The following MED1 variants were observed in gnomAD, a reference collection of about 807,000 sequenced individuals.
The protein encoded by MED1 is mediator of RNA polymerase II transcription subunit 1.
In MED1, 17 loss-of-function variants were observed where a neutral mutation model predicts 121.3. That is an observed-to-expected ratio of 0.14 (90% CI 0.10 to 0.21). MED1 has a LOEUF of 0.21. MED1 is among the 10% of genes least tolerant of loss of function. The pLI is 1.00. For missense variants in MED1, 1,558 were observed against 1,919.4 expected, an observed-to-expected ratio of 0.81 and a Z score of 3.52; for synonymous variants, 661 against 694.4, an observed-to-expected ratio of 0.95 and a Z score of 0.76.
At chr17:39,439,249 A>G in intron 5 of MED1, 56 bp from the exon 6 acceptor site, 2 of 1,389,544 alleles carry the variant, frequency 1.4e-6, no homozygotes, top group Non-Finnish European at 2.0e-6. Flanking sequence ...AACTTTGAAG[A>G]TATCAAAAGC....
At chr17:39,423,026 C>T (rs929050015) in intron 13 of MED1, among the ~76,000 whole-genome samples, 16 of 151,688 alleles carry the variant, frequency 1.1e-4, no homozygotes, top group African/African-American at 2.2e-4. Context: ...CCACCACACA[C>T]GGCTAATTTT....
At chr17:39,436,008 GT>G (rs1347666116) in intron 6 of MED1, among the ~76,000 whole-genome samples, 2 of 151,858 alleles carry the variant, frequency 1.3e-5, no homozygotes, top group South Asian at 4.2e-4. Flanking sequence ...GGAGGGGGAG[GT>G]TGCAGTGAGC....
chr17:39,438,542 G>A (rs1396951295), intron 6 of MED1, among the ~76,000 whole-genome samples: 1 of 151,688 alleles, frequency 6.6e-6, no homozygotes, highest in Non-Finnish European at 1.5e-5. Flanking sequence ...TAGTAGAGAT[G>A]GGGTTTCACC....
Position 39,407,694 on chromosome 17 carries a change from G to A in MED1, c.4527C>T (p.Asp1509=). 6.2e-7 allele frequency: 1 copy of A among 1,613,970 alleles called. No individual in the cohort carries two copies. Among genetic ancestry groups the A allele is most frequent in the Non-Finnish European group, 8.5e-7 (1 of 1,179,930 alleles). ...TGTCCCGGTCTCGGTCCCTATCTTT[G>A]TCTTTTACTTTCTTCTTTTCCTTTT... ...KHKKEKKKVK[D]KDRDRDRDKD... The change falls in exon 17 of 17, where the codon GAC becomes GAT. Residue 1509 remains aspartate (D), a synonymous_variant. Transcript: ENST00000300651.
In MED1 at chr17:39,405,254, A is replaced by G. The variant is rs771858601; in HGVS notation, c.*2221T>C. 3 of 1,600,536 alleles carry G rather than the reference A, an allele frequency of 1.9e-6. No individual in the cohort carries two copies. The highest frequency in any genetic ancestry group is 1.7e-5 in the Admixed American group (1 of 58,286). ...GCTGGGTCAGTGTGGGGGTGAGCCC[A>G]TCGACAATTCAGGGGCTTATCCTTC... On this transcript the variant is annotated 3_prime_UTR_variant, in exon 17 of 17. Coordinates refer to ENST00000300651, the MANE Select transcript of MED1 (RefSeq NM_004774.4).
At position 39,419,682 on chromosome 17, in the gene MED1, A is replaced by G. The variant is rs774547007; in HGVS notation, c.1297+35T>C. 7 of 1,560,756 alleles carry G rather than the reference A, an allele frequency of 4.5e-6. 1 individual carries two copies. In the South Asian group the frequency reaches 7.8e-5, roughly 17 times the overall value. On this transcript the variant is annotated intron_variant, in intron 14 of 16. Transcript: ENST00000300651. The stretch of plus-strand genomic sequence containing the variant: ...AGAACCACTGGAGAAGTAAGTTTCC[A>G]TCTTCCAGTAAGCATATCAAAGGAA...
chr17:39,425,604 C>T (rs986302973), intron 10 of MED1, among the ~76,000 whole-genome samples: 3 of 151,784 alleles, frequency 2.0e-5, no homozygotes, highest in African/African-American at 7.3e-5. Context: ...GGGTTCAAGA[C>T]CAGCCTGCAG....
chr17:39,410,607 C>T lies in MED1; in HGVS notation c.1614G>A (p.Lys538=), dbSNP rs1298803635. 1.2e-6 allele frequency: 2 copies of T among 1,614,132 alleles called. No homozygotes were observed. Residue 538 remains lysine, a synonymous_variant, in exon 17 of 17, where the codon AAG becomes AAA. Transcript: ENST00000300651. ...IAETVEDMVK[K]NLPPASSPGY... ...CTGGGCTGCTAGCCGGGGGCAGGTT[C>T]TTTTTCACCATGTCTTCAACTGTCT...
intron 16 of MED1, among the ~76,000 whole-genome samples, chr17:39,411,470 A>G (rs1409695169): frequency 6.6e-6 from 1 of 151,652 alleles, no homozygotes; most frequent in Non-Finnish European, 1.5e-5. Context: ...AAAATACAAA[A>G]AATTAGCCAG....
At chr17:39,443,519 A>T in intron 3 of MED1, 31 bp downstream of exon 3, 1 of 1,583,886 alleles carries the variant, frequency 6.3e-7, no homozygotes, top group Non-Finnish European at 8.7e-7. Context: ...GGGTTTTGTG[A>T]AATCAGCATA....
rs763151270 is a variant in MED1 at position 39,409,394 on chromosome 17, G to C, written c.2827C>G (p.Pro943Ala). ...CTGTGATGCTCCATAAGATCTGCAG[G>C]AGCTAAAGCTTTGCCGGCTACTGAA... ...IISVAGKALA[P>A]ADLMEHHSGS... is the part of the protein sequence containing the mutation. The change falls in exon 17 of 17, where the codon CCT becomes GCT. Residue 943 changes from proline to alanine, a missense_variant. By Grantham distance (27) the Pro-to-Ala change is conservative. Transcript: ENST00000300651. 6.2e-6 allele frequency: 10 copies of C among 1,613,956 alleles called. No individual in the cohort carries two copies. In the East Asian group the frequency reaches 2.0e-4, roughly 32 times the overall value.
chr17:39,441,010 A>C (rs763101448), intron 3 of MED1, among the ~76,000 whole-genome samples: 1 of 152,162 alleles, frequency 6.6e-6, no homozygotes, highest in Non-Finnish European at 1.5e-5. Flanking sequence ...ATTAAAAAAA[A>C]CTCAACATTA....
intron 6 of MED1, among the ~76,000 whole-genome samples, chr17:39,438,749 A>G (rs1199902730): frequency 2.0e-5 from 3 of 152,150 alleles, no homozygotes; most frequent in Non-Finnish European, 1.5e-5. Flanking sequence ...CTGGGATTAC[A>G]GGCGTGAGCC....
chr17:39,430,913 G>A (rs2048559622), intron 9 of MED1, among the ~76,000 whole-genome samples: 1 of 151,836 alleles, frequency 6.6e-6, no homozygotes, highest in Non-Finnish European at 1.5e-5. Context: ...CAGCTACTCA[G>A]GAGGCTGAGG....
intron 6 of MED1, among the ~76,000 whole-genome samples, chr17:39,434,626 T>C (rs1460887618): frequency 6.6e-6 from 1 of 152,176 alleles, no homozygotes; most frequent in Non-Finnish European, 1.5e-5. Context: ...TGAAACCTGA[T>C]TTAAATCAAT....
chr17:39,411,236 T>C (rs2048352787), intron 16 of MED1, among the ~76,000 whole-genome samples: 1 of 151,972 alleles, frequency 6.6e-6, no homozygotes, highest in Non-Finnish European at 1.5e-5. Flanking sequence ...GGAGAATTGC[T>C]TGAACAAGGG....
intron 13 of MED1, among the ~76,000 whole-genome samples, chr17:39,421,495 AG>A (rs1420889277): frequency 6.6e-6 from 1 of 152,044 alleles, no homozygotes; most frequent in East Asian, 1.9e-4. Context: ...GGTTGCAGTG[AG>A]CCGAGATCGC....
intron 2 of MED1, among the ~76,000 whole-genome samples, chr17:39,445,226 T>C (rs1027494430): frequency 1.3e-5 from 2 of 152,048 alleles, no homozygotes; most frequent in South Asian, 4.1e-4. Flanking sequence ...TCTTTTTTTT[T>C]TTTTGAGATG....
intron 10 of MED1, among the ~76,000 whole-genome samples, chr17:39,426,541 C>T (rs886229726): frequency 1.3e-5 from 2 of 152,074 alleles, no homozygotes; most frequent in African/African-American, 4.8e-5. Flanking sequence ...TAGTCCATTT[C>T]ACTTTTTTTT....
Sources: gnomAD v4.1 joint callset for allele counts (sites outside exome capture counted in the v4.1 genomes callset) on GRCh38, gnomAD v4.1.1 for gene constraint, MANE v1.5 for transcripts, NCBI Gene and HGNC (gene_info 2026-07-23, HGNC 2026-07-21) for gene names.